MTHFD2: variants seen among roughly 807,000 people sequenced by gnomAD.
MTHFD2 encodes bifunctional methylenetetrahydrofolate dehydrogenase/cyclohydrolase, mitochondrial.
In MTHFD2, 26 loss-of-function variants were observed where a neutral mutation model predicts 36.8. That is an observed-to-expected ratio of 0.71 (90% CI 0.52 to 0.98). The LOEUF is 0.98. MTHFD2 is among the 50% of genes least tolerant of loss of function. MTHFD2 has a pLI of 0.00. For missense variants in MTHFD2, 373 were observed against 434.0 expected (o/e 0.86, Z 1.25); for synonymous variants, 164 against 155.2 (o/e 1.06, Z -0.42).
At position 74,211,823 on chromosome 2, in the gene MTHFD2, T is replaced by G; in HGVS notation, c.846T>G (p.Pro282=). The G allele has an allele frequency of 6.2e-7, 1 of 1,611,592 alleles. No homozygotes were observed. The highest frequency in any genetic ancestry group is 8.5e-7 in the Non-Finnish European group (1 of 1,179,644). The change falls in exon 7 of 8, where the codon CCT becomes CCG. Residue 282 remains proline (P), a synonymous_variant. Coordinates refer to ENST00000394053, the MANE Select transcript of MTHFD2 (RefSeq NM_006636.4). ...TGGGAATAAATAGAGTTCACGATCCTGTAACTGCCAAACCCAAGTTGGTTG... is the reference window on the plus strand; with the variant it reads ...TGGGAATAAATAGAGTTCACGATCCGGTAACTGCCAAACCCAAGTTGGTTG... ...IDVGINRVHD[P]VTAKPKLVGD...
At chr2:74,205,480 C>A (rs987228319) in intron 1 of MTHFD2, among the ~76,000 whole-genome samples, 1 of 151,944 alleles carries the variant, frequency 6.6e-6, no homozygotes, top group African/African-American at 2.4e-5. Flanking sequence ...CTTTATCCCC[C>A]TCCATATGTA....
rs1235273190 is a variant in MTHFD2, at chr2:74,215,833, T to G, written c.*1591T>G. 6.6e-6 allele frequency: 1 copy of G among 152,390 alleles called. No individual in the cohort carries two copies. The highest frequency in any genetic ancestry group is 1.5e-5 in the Non-Finnish European group (1 of 68,194). 9.4% of individuals were successfully genotyped at this position (152,390 alleles called of 1,614,324 possible). On this transcript the variant is annotated 3_prime_UTR_variant, in exon 8 of 8. Transcript: ENST00000394053. Reference sequence around the variant, plus strand: ...CACATTGGCCAGGCTGGTCTCAAACTCCTGACCTCAAGTGATCCACCTGCC... The same window carrying G: ...CACATTGGCCAGGCTGGTCTCAAACGCCTGACCTCAAGTGATCCACCTGCC...
rs779412452 is a variant in MTHFD2, at chr2:74,214,243, C to T, written c.*1C>T. On this transcript the variant is annotated 3_prime_UTR_variant, in exon 8 of 8. Transcript: ENST00000394053. ...AGAGCTTGGGGTAGCCACTAATTAA[C>T]TACTGTGTCTTCTGTGTCACAAACA... is the stretch of plus-strand genomic sequence containing the variant. 1 of 1,613,376 alleles carries T rather than the reference C, an allele frequency of 6.2e-7. No individual in the cohort carries two copies. Among genetic ancestry groups the T allele is most frequent in the Non-Finnish European group, 8.5e-7 (1 of 1,179,624 alleles).
intron 7 of MTHFD2, among the ~76,000 whole-genome samples, chr2:74,213,834 C>A (rs1307765608): frequency 6.6e-6 from 1 of 152,138 alleles, no homozygotes; most frequent in African/African-American, 2.4e-5. Flanking sequence ...AGTTAACCTA[C>A]TAGATATTTC....
At position 74,216,301 on chromosome 2, in the gene MTHFD2, T is replaced by G. The variant is rs565933851; in HGVS notation, c.*2059T>G. The G allele has an allele frequency of 4.6e-5, 7 of 152,348 alleles. No homozygotes were observed. Among genetic ancestry groups the G allele is most frequent in the East Asian group, 1.9e-4 (1 of 5,188 alleles). The allele number at this position is 152,348 out of a possible 1,614,324, so 9.4% of individuals were successfully genotyped here. A position where few individuals can be genotyped will look rare whatever the true frequency, so the allele number is the denominator to read the frequency against. Reference sequence around the variant, plus strand: ...TTACAAGTGGAAAAAATGACTGACTTACTGCATGGAGAAGTATTATGTCAA... The same window carrying G: ...TTACAAGTGGAAAAAATGACTGACTGACTGCATGGAGAAGTATTATGTCAA... On this transcript the variant is annotated 3_prime_UTR_variant, in exon 8 of 8. Coordinates refer to ENST00000394053, the MANE Select transcript of MTHFD2 (RefSeq NM_006636.4).
chr2:74,203,909 A>AGTTTAGTTT (rs1558852963), intron 1 of MTHFD2, among the ~76,000 whole-genome samples: 5 of 81,412 alleles, frequency 6.1e-5, no homozygotes, highest in South Asian at 4.2e-4. Context: ...TAGTTTAGTT[A>AGTTTAGTTT]GTTTAGTTTA....
At chr2:74,199,837 G>A (rs1360231581) in intron 1 of MTHFD2, among the ~76,000 whole-genome samples, 1 of 152,160 alleles carries the variant, frequency 6.6e-6, no homozygotes, top group Non-Finnish European at 1.5e-5. Flanking sequence ...GGTTTCCTTG[G>A]GAAGGTGATT....
At chr2:74,203,341 A>T (rs1432273837) in intron 1 of MTHFD2, among the ~76,000 whole-genome samples, 8 of 152,224 alleles carry the variant, frequency 5.3e-5, no homozygotes, top group Admixed American at 5.2e-4. Context: ...AAGATGCAAT[A>T]CAGATTAAGA....
Position 74,211,787 on chromosome 2 carries a change from A to C in MTHFD2, c.810A>C (p.Ala270=). 6.2e-7 allele frequency: 1 copy of C among 1,612,082 alleles called. No homozygotes were observed. The highest frequency in any genetic ancestry group is 2.2e-5 in the East Asian group (1 of 44,822). The stretch of plus-strand genomic sequence containing the variant: ...CAGATATGATCAAGGAAGGAGCAGC[A>C]GTCATTGATGTGGGAATAAATAGAG... ...ITADMIKEGA[A]VIDVGINRVH... Residue 270 remains alanine, a synonymous_variant, in exon 7 of 8, where the codon GCA becomes GCC. Transcript: ENST00000394053.
chr2:74,206,192 G>A, intron 2 of MTHFD2: 1 of 235,050 alleles, frequency 4.3e-6, no homozygotes, highest in Non-Finnish European at 8.5e-6. Context: ...TGCTTTCCTT[G>A]AGCAATAATG....
At chr2:74,209,498 G>T (rs1474867373) in intron 4 of MTHFD2, among the ~76,000 whole-genome samples, 1 of 151,532 alleles carries the variant, frequency 6.6e-6, no homozygotes, top group African/African-American at 2.4e-5. Context: ...TGATCCACCT[G>T]CCTTGGCCTC....
chr2:74,207,706 A>G lies in MTHFD2; in HGVS notation c.289A>G (p.Ile97Val), dbSNP rs1270728668. 3.7e-6 allele frequency: 6 copies of G among 1,604,742 alleles called. No homozygotes were observed. Among genetic ancestry groups the G allele is most frequent in the Non-Finnish European group, 5.1e-6 (6 of 1,172,618 alleles). ...AACCTCAAAATTTCTTATAATAGGAATCAACAGTGAGACAATTATGAAACC... is the reference window on the plus strand; with the variant it reads ...AACCTCAAAATTTCTTATAATAGGAGTCAACAGTGAGACAATTATGAAACC... ...NKTRAAAVVG[I>V]NSETIMKPAS... is the part of the protein sequence containing the mutation. Residue 97 changes from isoleucine (I) to valine (V), a missense_variant and splice_region_variant, in exon 3 of 8, where the codon ATC (isoleucine) becomes GTC (valine). Physicochemically the swap from Ile to Val is conservative, Grantham distance 29 (BLOSUM62 3). This residue lies in a region of MTHFD2 where 308 missense variants were observed against 397.8 expected (regional missense o/e 0.77). Coordinates refer to ENST00000394053, the MANE Select transcript of MTHFD2 (RefSeq NM_006636.4).
intron 1 of MTHFD2, among the ~76,000 whole-genome samples, chr2:74,200,542 ATTC>A (rs1390770724): frequency 6.7e-6 from 1 of 149,156 alleles, no homozygotes; most frequent in Admixed American, 6.7e-5. Context: ...ATGAGTCTGC[ATTC>A]TTTTTTTTTT....
At chr2:74,211,166 C>T in intron 5 of MTHFD2, 33 bp from the exon 6 acceptor site, 1 of 1,390,872 alleles carries the variant, frequency 7.2e-7, no homozygotes, top group Non-Finnish European at 1.0e-6. Flanking sequence ...AGCTTTGTGT[C>T]AGAAATCAAG....
intron 5 of MTHFD2, among the ~76,000 whole-genome samples, chr2:74,210,792 T>TTG (rs972956166): frequency 2.0e-5 from 3 of 150,382 alleles, no homozygotes; most frequent in Non-Finnish European, 4.4e-5. Context: ...TCAGTTTTTT[T>TTG]TTTTTTTTTT....
chr2:74,207,554 GT>G, intron 2 of MTHFD2, 149 bp from the exon 3 acceptor site: 3 of 630,378 alleles, frequency 4.8e-6, no homozygotes. Context: ...TATTTGTGAA[GT>G]TACTTTTTTA....
intron 5 of MTHFD2, 66 bp downstream of exon 5, chr2:74,210,115 C>A: frequency 1.5e-6 from 2 of 1,329,788 alleles, no homozygotes; most frequent in Non-Finnish European, 2.1e-6. Context: ...AGAAGCCATC[C>A]TGTGCATGTT....
intron 7 of MTHFD2, among the ~76,000 whole-genome samples, chr2:74,213,292 T>C (rs1397920093): frequency 3.4e-5 from 5 of 146,788 alleles, no homozygotes; most frequent in Admixed American, 6.8e-5. Flanking sequence ...TTTTTTTTTT[T>C]TTGAGACAGG....
intron 1 of MTHFD2, among the ~76,000 whole-genome samples, chr2:74,201,455 T>G (rs1037379719): frequency 6.6e-5 from 10 of 151,938 alleles, no homozygotes; most frequent in Non-Finnish European, 1.5e-4. Context: ...CCTCCTGGGC[T>G]CAAGTGATCC....
Sources: allele counts gnomAD v4.1 joint callset (sites outside exome capture counted in the v4.1 genomes callset), GRCh38; gene constraint gnomAD v4.1.1; regional missense constraint gnomAD v4.1.1; transcripts MANE v1.5; gene names NCBI Gene and HGNC (gene_info 2026-07-23, HGNC 2026-07-21).